Variants in UBE2D3 observed in about 807,000 individuals in gnomAD.
UBE2D3 encodes ubiquitin-conjugating enzyme E2 D3.
Under a neutral mutation model 22.8 loss-of-function variants are expected in UBE2D3, and 2 were observed. That is an observed-to-expected ratio of 0.09 (90% confidence interval 0.04 to 0.28). The LOEUF is 0.28. Ranked by LOEUF, UBE2D3 falls within the 10% of genes least tolerant of loss-of-function variation. The probability of loss-of-function intolerance (pLI) is 1.00; values close to 1 mark genes in which losing one functional copy is unlikely to be tolerated. For missense variants in UBE2D3, 27 were observed against 182.5 expected, an observed-to-expected ratio of 0.15 and a Z score of 4.91; for synonymous variants, 56 against 60.4, an observed-to-expected ratio of 0.93 and a Z score of 0.34.
chr4:102,823,791 G>A (rs111845063), intron 2 of UBE2D3, among the ~76,000 whole-genome samples: 270 of 152,268 alleles, frequency 1.8e-3, no homozygotes, highest in African/African-American at 6.3e-3. Flanking sequence ...CACAGCTGAA[G>A]CAAAGTATAA....
chr4:102,825,199 A>T (rs969926074), intron 2 of UBE2D3: 3 of 973,238 alleles, frequency 3.1e-6, no homozygotes, highest in Admixed American at 6.2e-5. Flanking sequence ...AACTCTTTTT[A>T]AAAAAGTAAT....
rs1197159168 is a variant in UBE2D3 at position 102,800,232 on chromosome 4, T to C, written c.305-732A>G. Reference sequence around the variant, plus strand: ...TTGAAATGGTTCTGACCGATTTTTTTTTAAAAAAAGCAATAGTATAAAAAA... The same window carrying C: ...TTGAAATGGTTCTGACCGATTTTTTCTTAAAAAAAGCAATAGTATAAAAAA... On this transcript the variant is annotated intron_variant, in intron 6 of 7. Transcript: ENST00000453744. 3.3e-5 allele frequency among the ~76,000 whole-genome samples: 5 copies of C among 151,946 alleles called. No homozygotes were observed. The East Asian group carries it at 9.7e-4, about 29-fold the overall frequency.
At chr4:102,827,680 G>C (rs1466643215), upstream of UBE2D3, 1 of 985,904 alleles carries the variant, frequency 1.0e-6, no homozygotes, top group Non-Finnish European at 1.2e-6. Context: ...TGCTTCCCAC[G>C]TCCGGGGCCG....
At chr4:102,868,888 T>G, upstream of UBE2D3, 2 of 1,485,310 alleles carry the variant, frequency 1.3e-6, no homozygotes, top group Non-Finnish European at 1.8e-6. Context: ...GCCTCGGCAG[T>G]CCGCCGCGAG....
chr4:102,846,969 A>G (rs1046882991), intron 1 of UBE2D3, among the ~76,000 whole-genome samples: 2 of 151,990 alleles, frequency 1.3e-5, no homozygotes, highest in African/African-American at 4.8e-5. Context: ...TGAGGAGAGC[A>G]TGTATCAGCT....
At chr4:102,809,601 A>ATCTGTTG (rs1375816974) in intron 4 of UBE2D3, 71 bp downstream of exon 4, 3 of 1,431,604 alleles carry the variant, frequency 2.1e-6, no homozygotes, top group Non-Finnish European at 2.8e-6. Context: ...CTACAGACCA[A>ATCTGTTG]GTTAAAAATT....
chr4:102,829,678 C>G (rs547173027), upstream of UBE2D3, among the ~76,000 whole-genome samples: 1 of 152,340 alleles, frequency 6.6e-6, no homozygotes, highest in Non-Finnish European at 1.5e-5. Flanking sequence ...GTGGCCACGC[C>G]TGTAATCCCA....
chr4:102,801,870 A>C (rs1726206462), intron 5 of UBE2D3: 1 of 179,952 alleles, frequency 5.6e-6, no homozygotes, highest in African/African-American at 2.4e-5. Context: ...AAAAGCCCTA[A>C]CTTTTGGATG....
At chr4:102,818,073 T>C (rs1281844570) in intron 2 of UBE2D3, among the ~76,000 whole-genome samples, 1 of 152,194 alleles carries the variant, frequency 6.6e-6, no homozygotes, top group Non-Finnish European at 1.5e-5. Flanking sequence ...TATACTGTGC[T>C]GACTACCCCT....
upstream of UBE2D3, among the ~76,000 whole-genome samples, chr4:102,832,335 A>G (rs989151435): frequency 1.3e-5 from 2 of 151,466 alleles, no homozygotes; most frequent in Non-Finnish European, 2.9e-5. Context: ...GAATGAGAAG[A>G]CAGAAAAGAT....
chr4:102,808,112 G>A (rs971013087), intron 4 of UBE2D3, among the ~76,000 whole-genome samples: 1 of 152,148 alleles, frequency 6.6e-6, no homozygotes, highest in Non-Finnish European at 1.5e-5. Context: ...GGTTGCAAAA[G>A]CAACTGCTTT....
chr4:102,856,361 T>A (rs547254311), intron 1 of UBE2D3, among the ~76,000 whole-genome samples: 1 of 152,104 alleles, frequency 6.6e-6, no homozygotes, highest in Non-Finnish European at 1.5e-5. Context: ...AGCAAGACGG[T>A]CTCAAAAATA....
intron 2 of UBE2D3, among the ~76,000 whole-genome samples, chr4:102,823,520 G>A (rs887180886): frequency 1.3e-5 from 2 of 152,192 alleles, no homozygotes; most frequent in Non-Finnish European, 2.9e-5. Flanking sequence ...TTAACAGGGT[G>A]TATACAATGA....
At chr4:102,849,853 G>T (rs2110366082) in intron 1 of UBE2D3, among the ~76,000 whole-genome samples, 1 of 152,250 alleles carries the variant, frequency 6.6e-6, no homozygotes, top group Non-Finnish European at 1.5e-5. Flanking sequence ...GGGGGACAGG[G>T]ATTGGGTAAA....
chr4:102,861,308 G>A (rs1164432294), intron 1 of UBE2D3, among the ~76,000 whole-genome samples: 3 of 151,802 alleles, frequency 2.0e-5, no homozygotes, highest in South Asian at 4.2e-4. Flanking sequence ...GGTCTCCCAG[G>A]CTCCCAAAAT....
At chr4:102,850,911 G>A (rs1372676243) in intron 1 of UBE2D3, among the ~76,000 whole-genome samples, 1 of 151,570 alleles carries the variant, frequency 6.6e-6, no homozygotes, top group Non-Finnish European at 1.5e-5. Context: ...GAATGATACA[G>A]TGGACTTGGG....
intron 2 of UBE2D3, among the ~76,000 whole-genome samples, chr4:102,815,649 G>A (rs77387595): frequency 0.012 from 1,813 of 152,230 alleles, 21 homozygotes; most frequent in African/African-American, 0.036. Context: ...ATTTCAGCTA[G>A]TTAACACTGG....
chr4:102,806,673 AG>A (rs1727098167), intron 4 of UBE2D3, among the ~76,000 whole-genome samples: 1 of 152,164 alleles, frequency 6.6e-6, no homozygotes, highest in South Asian at 2.1e-4. Flanking sequence ...TCTCTGTCAT[AG>A]ATTAGGTGGG....
intron 1 of UBE2D3, among the ~76,000 whole-genome samples, chr4:102,838,807 CAA>C (rs145975514): frequency 0.014 from 775 of 54,290 alleles, 1 homozygote; most frequent in African/African-American, 0.047. Flanking sequence ...CTGTGCTGGG[CAA>C]AAAAAAAAAA....
Sources: allele counts gnomAD v4.1 joint callset (sites outside exome capture counted in the v4.1 genomes callset), GRCh38; gene constraint gnomAD v4.1.1; transcripts MANE v1.5; gene names NCBI Gene and HGNC (gene_info 2026-07-23, HGNC 2026-07-21).